Variants in RGS5 observed in about 807,000 individuals in gnomAD.
The protein encoded by RGS5 is regulator of G-protein signalling 5.
Under a neutral mutation model 18.9 loss-of-function variants are expected in RGS5, and 20 were observed. That is an observed-to-expected ratio of 1.06 (90% CI 0.74 to 1.54). The LOEUF (loss-of-function observed/expected upper bound fraction) is 1.54. Among genes scored for constraint, RGS5 ranks in the 40% most tolerant of loss-of-function variants. The pLI, the probability that RGS5 is intolerant of heterozygous loss-of-function variation, is 0.00. For missense variants in RGS5, 201 were observed against 211.8 expected, an observed-to-expected ratio of 0.95 and a Z score of 0.32; for synonymous variants, 57 against 76.2, an observed-to-expected ratio of 0.75 and a Z score of 1.31.
At chr1:163,194,497 G>A (rs1659482981) in intron 1 of RGS5, among the ~76,000 whole-genome samples, 1 of 152,134 alleles carries the variant, frequency 6.6e-6, no homozygotes, top group Admixed American at 6.6e-5. Flanking sequence ...TATTACAAAT[G>A]TAATAGTGAT....
chr1:163,316,833 G>C (rs1189828090), intron 1 of RGS5, among the ~76,000 whole-genome samples: 1 of 152,090 alleles, frequency 6.6e-6, no homozygotes, highest in African/African-American at 2.4e-5. Flanking sequence ...TCCCTCCTCA[G>C]AGGCTACTAC....
At chr1:163,187,621 G>A (rs935570955) in intron 1 of RGS5, among the ~76,000 whole-genome samples, 6 of 152,144 alleles carry the variant, frequency 3.9e-5, no homozygotes, top group East Asian at 1.9e-4. Context: ...GGGAGCTTCC[G>A]GATAGCTGGA....
intron 2 of RGS5, among the ~76,000 whole-genome samples, chr1:163,258,155 G>C (rs1292896724): frequency 2.6e-5 from 4 of 152,202 alleles, no homozygotes; most frequent in African/African-American, 9.7e-5. Context: ...TTTGTGGTTT[G>C]AATCTGTTCA....
chr1:163,269,691 A>G (rs1648666154), intron 2 of RGS5, among the ~76,000 whole-genome samples: 1 of 152,198 alleles, frequency 6.6e-6, no homozygotes, highest in Non-Finnish European at 1.5e-5. Context: ...TTTAAAAATC[A>G]CAGTTATTAC....
intron 1 of RGS5, among the ~76,000 whole-genome samples, chr1:163,169,779 A>T (rs1229101770): frequency 6.6e-6 from 1 of 152,136 alleles, no homozygotes; most frequent in African/African-American, 2.4e-5. Context: ...ATAAAATTAA[A>T]TCATTCCACT....
intron 1 of RGS5, among the ~76,000 whole-genome samples, chr1:163,182,490 G>T (rs1351262277): frequency 6.6e-6 from 1 of 152,172 alleles, no homozygotes; most frequent in East Asian, 1.9e-4. Flanking sequence ...TATTTCCCAT[G>T]CTTTTCTGGG....
intron 2 of RGS5, chr1:163,237,418 C>T (rs1330670216): frequency 6.6e-6 from 1 of 152,522 alleles, no homozygotes; most frequent in African/African-American, 2.4e-5. Context: ...TGTGGCGGCT[C>T]ACCCTGTAAT....
intron 1 of RGS5, among the ~76,000 whole-genome samples, chr1:163,319,829 A>G (rs1195306864): frequency 6.6e-6 from 1 of 152,200 alleles, no homozygotes; most frequent in Non-Finnish European, 1.5e-5. Context: ...TTTCTGCAAT[A>G]GTCTGTGTTT....
rs5778320 is a variant in RGS5 at position 163,247,582 on chromosome 1, TTATA to T, written c.-281+58647_-281+58650del. Among the ~76,000 whole-genome samples the T allele has an allele frequency of 6.8e-5, 10 of 147,640 alleles. No individual in the cohort carries two copies. In the East Asian group the frequency reaches 7.9e-4, roughly 12 times the overall value. On this transcript the variant is annotated intron_variant, in intron 2 of 5. Transcript: ENST00000618415. ...GCAATTGAACTGGATAGAAGTTGAT[TTATA>T]TATATATATATATATGTATACGTAT...
chr1:163,273,445 C>T (rs1648773050), intron 2 of RGS5, among the ~76,000 whole-genome samples: 1 of 151,976 alleles, frequency 6.6e-6, no homozygotes, highest in African/African-American at 2.4e-5. Flanking sequence ...TTATATCTTC[C>T]TGATTATTTG....
upstream of RGS5, among the ~76,000 whole-genome samples, chr1:163,203,465 T>A (rs1398407985): frequency 3.9e-5 from 6 of 152,192 alleles, no homozygotes; most frequent in Admixed American, 3.9e-4. Context: ...AAGTAAGTGA[T>A]GGAGGCCGGG....
At chr1:163,267,585 C>G (rs1398572247) in intron 2 of RGS5, among the ~76,000 whole-genome samples, 1 of 152,102 alleles carries the variant, frequency 6.6e-6, no homozygotes, top group Non-Finnish European at 1.5e-5. Context: ...AATTGTGCCC[C>G]CTACAGTTGA....
intron 2 of RGS5, among the ~76,000 whole-genome samples, chr1:163,299,126 T>C (rs1021196540): frequency 1.3e-5 from 2 of 152,178 alleles, no homozygotes; most frequent in Admixed American, 6.5e-5. Flanking sequence ...AGTATAGACA[T>C]GTGAAACATG....
chr1:163,184,766 C>A (rs1011102851), intron 1 of RGS5, among the ~76,000 whole-genome samples: 2 of 152,062 alleles, frequency 1.3e-5, no homozygotes, highest in South Asian at 4.1e-4. Context: ...ATGCAGGTGG[C>A]CTCTAGATGT....
intron 1 of RGS5, among the ~76,000 whole-genome samples, chr1:163,194,792 G>A (rs910486124): frequency 3.9e-5 from 6 of 151,996 alleles, no homozygotes; most frequent in Non-Finnish European, 5.9e-5. Flanking sequence ...AAAATATTTC[G>A]ATTCTTACCG....
At chr1:163,223,630 A>G (rs950619112) in intron 2 of RGS5, among the ~76,000 whole-genome samples, 2 of 152,104 alleles carry the variant, frequency 1.3e-5, no homozygotes, top group South Asian at 2.1e-4. Flanking sequence ...TAATCAATCC[A>G]CCAAATACCT....
At chr1:163,223,814 A>G (rs1439829854) in intron 2 of RGS5, among the ~76,000 whole-genome samples, 1 of 152,174 alleles carries the variant, frequency 6.6e-6, no homozygotes, top group Non-Finnish European at 1.5e-5. Flanking sequence ...ATTTCCTCCC[A>G]GGTCAGACTT....
At chr1:163,292,083 A>G (rs1017098406) in intron 2 of RGS5, among the ~76,000 whole-genome samples, 4 of 152,166 alleles carry the variant, frequency 2.6e-5, no homozygotes, top group Non-Finnish European at 5.9e-5. Flanking sequence ...AACATGTGCC[A>G]TGATGGTTTG....
At chr1:163,177,139 GACTT>G (rs1335311431) in intron 1 of RGS5, among the ~76,000 whole-genome samples, 1 of 152,096 alleles carries the variant, frequency 6.6e-6, no homozygotes, top group African/African-American at 2.4e-5. Flanking sequence ...AAGTTATTTG[GACTT>G]GTGACACTAT....
Sources: gnomAD v4.1 joint callset for allele counts (sites outside exome capture counted in the v4.1 genomes callset) on GRCh38, gnomAD v4.1.1 for gene constraint, MANE v1.5 for transcripts, NCBI Gene and HGNC (gene_info 2026-07-23, HGNC 2026-07-21) for gene names.